SLC36A1: variants seen among roughly 807,000 people sequenced by gnomAD.
The protein encoded by SLC36A1 is solute carrier family 36 member 1.
A neutral mutation model predicts 47.5 loss-of-function variants in SLC36A1; 30 were observed. The observed-to-expected ratio is 0.63, with a 90% confidence interval of 0.47 to 0.86. SLC36A1 has a LOEUF of 0.86. SLC36A1 is among the 40% of genes least tolerant of loss of function. The probability of loss-of-function intolerance (pLI) is 0.00; values close to 1 mark genes in which losing one functional copy is unlikely to be tolerated. For synonymous variants in SLC36A1, 255 were observed against 249.7 expected, an observed-to-expected ratio of 1.02 and a Z score of -0.20; for missense variants, 517 against 606.0, an observed-to-expected ratio of 0.85 and a Z score of 1.54.
chr5:151,428,134 A>C, the SLC36A1 span, among the ~76,000 whole-genome samples: 2,320 of 152,256 alleles, frequency 0.015, 48 homozygotes, highest in African/African-American at 0.052. Context: ...TCCAGCCTGG[A>C]ATTCTCTCCT....
chr5:151,379,559 C>T, the SLC36A1 span, among the ~76,000 whole-genome samples: 2 of 152,190 alleles, frequency 1.3e-5, no homozygotes, highest in Non-Finnish European at 2.9e-5. Context: ...TCTCGAACTC[C>T]TGACCTTGGT....
chr5:151,394,621 G>C, the SLC36A1 span, among the ~76,000 whole-genome samples: 1 of 152,232 alleles, frequency 6.6e-6, no homozygotes, highest in Non-Finnish European at 1.5e-5. Flanking sequence ...CCTTCTAACA[G>C]TCAGGACCCT....
chr5:151,505,359 T>C, the SLC36A1 span: 1 of 629,168 alleles, frequency 1.6e-6, no homozygotes, highest in Non-Finnish European at 2.7e-6. Context: ...ACCCTAGTGC[T>C]GTTTCTGGAG....
At chr5:151,379,093 G>A in the SLC36A1 span, among the ~76,000 whole-genome samples, 5 of 152,252 alleles carry the variant, frequency 3.3e-5, no homozygotes, top group Non-Finnish European at 7.3e-5. Context: ...GGAAAGCTGA[G>A]AATGGGGAGA....
chr5:151,545,465 C>T, the SLC36A1 span: 4 of 1,614,212 alleles, frequency 2.5e-6, no homozygotes, highest in Non-Finnish European at 3.4e-6. Flanking sequence ...AGCTCCATGC[C>T]TGGATGGATA....
the SLC36A1 span, among the ~76,000 whole-genome samples, chr5:151,373,876 AG>A: frequency 1.3e-5 from 2 of 152,168 alleles, no homozygotes; most frequent in Admixed American, 6.5e-5. Context: ...CTGGGATTAC[AG>A]GTATGAGCCA....
the SLC36A1 span, among the ~76,000 whole-genome samples, chr5:151,533,708 A>C: frequency 6.6e-6 from 1 of 152,002 alleles, no homozygotes; most frequent in African/African-American, 2.4e-5. Flanking sequence ...GGAAAATTGG[A>C]CAGGTTATAT....
At chr5:151,351,532 T>G in the SLC36A1 span, among the ~76,000 whole-genome samples, 2 of 152,158 alleles carry the variant, frequency 1.3e-5, no homozygotes, top group Admixed American at 6.5e-5. Flanking sequence ...CATCAGCAAG[T>G]GGCTTCTTCT....
chr5:151,446,002 C>T (rs1189014909), upstream of SLC36A1, among the ~76,000 whole-genome samples: 2 of 150,656 alleles, frequency 1.3e-5, no homozygotes, highest in Non-Finnish European at 3.0e-5. Context: ...TTCTTTTCTT[C>T]TTTTAACTTT....
intron 4 of SLC36A1, 65 bp downstream of exon 4, chr5:151,464,667 G>C: frequency 7.3e-7 from 1 of 1,366,426 alleles, no homozygotes. Context: ...TATCAACCCT[G>C]AAAATGAGCA....
chr5:151,422,288 G>C, the SLC36A1 span: 7 of 152,174 alleles, frequency 4.6e-5, no homozygotes, highest in Admixed American at 2.6e-4. Context: ...AAAAACATAG[G>C]ACAAAAATAG....
chr5:151,480,918 G>A (rs1369866966), intron 10 of SLC36A1, among the ~76,000 whole-genome samples: 1 of 152,232 alleles, frequency 6.6e-6, no homozygotes, highest in East Asian at 1.9e-4. Context: ...GTAGGTCTCT[G>A]TAGGTAAAAT....
At chr5:151,407,342 G>A in the SLC36A1 span, among the ~76,000 whole-genome samples, 1 of 152,102 alleles carries the variant, frequency 6.6e-6, no homozygotes, top group African/African-American at 2.4e-5. Flanking sequence ...TAAACACAGA[G>A]CGCTGATTGG....
intron 2 of SLC36A1, among the ~76,000 whole-genome samples, chr5:151,461,718 C>T (rs766313228): frequency 2.0e-5 from 3 of 152,126 alleles, no homozygotes; most frequent in Admixed American, 6.5e-5. Flanking sequence ...TACTAGTTGT[C>T]GTTGTATTTT....
chr5:151,381,095 A>G, the SLC36A1 span: 1 of 491,546 alleles, frequency 2.0e-6, no homozygotes. Flanking sequence ...CGACCATGTC[A>G]CCACCTCTGC....
chr5:151,554,335 C>A, the SLC36A1 span: 1 of 1,594,620 alleles, frequency 6.3e-7, no homozygotes, highest in Non-Finnish European at 8.6e-7. Flanking sequence ...CCACTCCTCC[C>A]TCCGTGGCTT....
the SLC36A1 span, chr5:151,506,168 T>G: frequency 6.9e-7 from 1 of 1,454,066 alleles, no homozygotes; most frequent in South Asian, 1.5e-5. Context: ...CTATAGCAAC[T>G]ATATATAACC....
chr5:151,458,994 G>C, intron 2 of SLC36A1, 59 bp downstream of exon 2: 2 of 1,527,924 alleles, frequency 1.3e-6, no homozygotes, highest in Non-Finnish European at 1.8e-6. Context: ...AGCCTCCCTT[G>C]GACTTATTTT....
Position 151,467,303 on chromosome 5 carries a change from A to T in SLC36A1, c.504+20A>T. On this transcript the variant is annotated intron_variant, in intron 6 of 10. Transcript: ENST00000243389. ...AAACAGGTAGGCACCTGGTTAAAAA[A>T]GAAAAAAAAAAAAAAAACCAGAGCG... 3.7e-6 allele frequency: 5 copies of T among 1,348,978 alleles called. No homozygotes were observed. The highest frequency in any genetic ancestry group is 5.0e-6 in the Non-Finnish European group (5 of 993,502). The allele number at this position is 1,348,978 out of a possible 1,614,324, so 83.6% of individuals were successfully genotyped here. A position where few individuals can be genotyped will look rare whatever the true frequency, so the allele number is the denominator to read the frequency against.
Sources: gnomAD v4.1 joint callset for allele counts (sites outside exome capture counted in the v4.1 genomes callset) on GRCh38, gnomAD v4.1.1 for gene constraint, MANE v1.5 for transcripts, NCBI Gene and HGNC (gene_info 2026-07-23, HGNC 2026-07-21) for gene names.